The following OCA2 variants were observed in gnomAD, a reference collection of about 807,000 sequenced individuals.
OCA2 encodes P protein.
A neutral mutation model predicts 100.2 loss-of-function variants in OCA2; 77 were observed. The ratio of observed to expected loss-of-function variants is 0.77; its 90% CI spans 0.64 to 0.93. OCA2 has a LOEUF of 0.93. Among genes scored for constraint, OCA2 ranks in the 40% least tolerant of loss-of-function variants. The pLI, the probability that OCA2 is intolerant of heterozygous loss-of-function variation, is 0.00. For missense variants in OCA2, 1,062 were observed against 1,089.1 expected, an observed-to-expected ratio of 0.98 and a Z score of 0.35; for synonymous variants, 432 against 439.2, an observed-to-expected ratio of 0.98 and a Z score of 0.21.
At chr15:27,948,438 A>C (rs2039916954) in intron 18 of OCA2, among the ~76,000 whole-genome samples, 1 of 152,110 alleles carries the variant, frequency 6.6e-6, no homozygotes, top group Admixed American at 6.6e-5. Flanking sequence ...TGTCTGGAGT[A>C]GTTTTTTTGT....
intron 2 of OCA2, among the ~76,000 whole-genome samples, chr15:28,073,803 CAT>C (rs1429715472): frequency 1.3e-5 from 2 of 152,046 alleles, no homozygotes; most frequent in Non-Finnish European, 2.9e-5. Flanking sequence ...ATGTATATAA[CAT>C]TATCAAAATG....
chr15:27,843,862 G>A (rs1032890954), intron 23 of OCA2, among the ~76,000 whole-genome samples: 1 of 152,164 alleles, frequency 6.6e-6, no homozygotes, highest in Non-Finnish European at 1.5e-5. Context: ...AGCAGTGCCT[G>A]GTGCAGGGAT....
At chr15:27,959,936 G>A (rs1424797575) in intron 15 of OCA2, among the ~76,000 whole-genome samples, 1 of 152,192 alleles carries the variant, frequency 6.6e-6, no homozygotes, top group Non-Finnish European at 1.5e-5. Flanking sequence ...TTAGTCGGGA[G>A]GGATTTTGCC....
At chr15:27,968,999 A>C (rs2040677120) in intron 14 of OCA2, among the ~76,000 whole-genome samples, 1 of 152,068 alleles carries the variant, frequency 6.6e-6, no homozygotes, top group African/African-American at 2.4e-5. Flanking sequence ...AAAAAAAAAA[A>C]AAGGAACTGT....
At position 28,014,944 on chromosome 15, in the gene OCA2, A is replaced by G. The variant is rs1156436480; in HGVS notation, c.891-15T>C. ...ACACCGTCTCTCTGCAGAACGAAAC[A>G]ACGACCTTACTGTTCACAAGGTCAA... On this transcript the variant is annotated splice_polypyrimidine_tract_variant and intron_variant, in intron 8 of 23. Coordinates refer to ENST00000354638, the MANE Select transcript of OCA2 (RefSeq NM_000275.3). 4 of 1,613,984 alleles carry G rather than the reference A, an allele frequency of 2.5e-6. No homozygotes were observed. The South Asian group carries it at 3.3e-5, about 13-fold the overall frequency.
intron 1 of OCA2, among the ~76,000 whole-genome samples, chr15:28,083,025 G>C (rs1228772610): frequency 6.6e-6 from 1 of 152,222 alleles, no homozygotes; most frequent in African/African-American, 2.4e-5. Context: ...GGGAAGCCAG[G>C]ACTGACTGTG....
At chr15:27,732,725 A>G in the OCA2 span, among the ~76,000 whole-genome samples, 25 of 152,332 alleles carry the variant, frequency 1.6e-4, no homozygotes, top group South Asian at 4.6e-3. Context: ...GCTCACTAGC[A>G]CAAGTCTTCT....
chr15:27,871,342 C>G (rs1024161510), intron 20 of OCA2, 84 bp from the exon 21 acceptor site: 1 of 1,008,344 alleles, frequency 9.9e-7, no homozygotes, highest in African/African-American at 1.6e-5. Context: ...CAGAGGGGCC[C>G]GAGGGTGTTA....
intron 14 of OCA2, among the ~76,000 whole-genome samples, chr15:27,973,917 C>A (rs1245220813): frequency 6.6e-6 from 1 of 152,024 alleles, no homozygotes; most frequent in East Asian, 1.9e-4. Flanking sequence ...TTAAGTATAT[C>A]CCTAGGTATT....
chr15:27,825,161 T>C (rs1030506399), intron 23 of OCA2, among the ~76,000 whole-genome samples: 10 of 152,128 alleles, frequency 6.6e-5, no homozygotes, highest in African/African-American at 2.2e-4. Flanking sequence ...GAGTTGACTC[T>C]CCAAGGACAG....
chr15:27,838,886 G>A (rs2035247069), intron 23 of OCA2, among the ~76,000 whole-genome samples: 1 of 152,188 alleles, frequency 6.6e-6, no homozygotes, highest in Admixed American at 6.5e-5. Flanking sequence ...GGCTCTCAAA[G>A]ATTAGCTTCA....
At chr15:27,975,968 T>C (rs1442597910) in intron 14 of OCA2, among the ~76,000 whole-genome samples, 1 of 152,202 alleles carries the variant, frequency 6.6e-6, no homozygotes, top group Non-Finnish European at 1.5e-5. Context: ...TGCAGTTTTG[T>C]AGTTTTCAGT....
Position 27,947,289 on chromosome 15 carries a change from T to C in OCA2, c.1951+4495A>G, listed in dbSNP as rs188578608. Among the ~76,000 whole-genome samples, 227 of 152,232 alleles carry C rather than the reference T, an allele frequency of 1.5e-3. 1 individual carries two copies. The highest frequency in any genetic ancestry group is 5.0e-3 in the African/African-American group (209 of 41,538). ...TGTGAAACCCATCTGGCACTAAGGG[T>C]CTCATGCAGGCACTGCAGACCTCTG... On this transcript the variant is annotated intron_variant, in intron 18 of 23. Coordinates refer to ENST00000354638, the MANE Select transcript of OCA2 (RefSeq NM_000275.3).
At chr15:27,774,309 T>C (rs2151059086) in intron 23 of OCA2, among the ~76,000 whole-genome samples, 1 of 152,350 alleles carries the variant, frequency 6.6e-6, no homozygotes, top group Middle Eastern at 3.4e-3. Context: ...AGAGAGTCCA[T>C]GTTATAACAC....
rs940312207 is a variant in OCA2 at position 28,041,807 on chromosome 15, T to C, written c.228-9644A>G. Among the ~76,000 whole-genome samples the C allele has an allele frequency of 5.9e-4, 90 of 152,034 alleles. 3 individuals carry two copies. Among genetic ancestry groups the C allele is most frequent in the African/African-American group, 2.1e-3 (88 of 41,474 alleles). On this transcript the variant is annotated intron_variant, in intron 2 of 23. Transcript: ENST00000354638. ...AAACATAATGTTGCATGAAGAAAAA[T>C]AGAAGAATACACACATGATGCAATT... is the stretch of plus-strand genomic sequence containing the variant.
At chr15:27,947,956 T>C (rs1029441086) in intron 18 of OCA2, among the ~76,000 whole-genome samples, 9 of 152,142 alleles carry the variant, frequency 5.9e-5, no homozygotes, top group Non-Finnish European at 8.8e-5. Context: ...GTCAGCCACA[T>C]AGGAAATTCC....
intron 23 of OCA2, among the ~76,000 whole-genome samples, chr15:27,817,946 G>T (rs1013210254): frequency 1.3e-5 from 2 of 152,178 alleles, no homozygotes; most frequent in South Asian, 2.1e-4. Context: ...GATACATTAG[G>T]AAAGGTGATT....
chr15:28,070,291 A>C (rs1219977150), intron 2 of OCA2, among the ~76,000 whole-genome samples: 1 of 127,674 alleles, frequency 7.8e-6, no homozygotes, highest in African/African-American at 3.2e-5. Context: ...CCCGGCAGCC[A>C]CCCCGTCCGG....
At chr15:27,849,572 G>A (rs529905432) in intron 22 of OCA2, among the ~76,000 whole-genome samples, 1 of 150,818 alleles carries the variant, frequency 6.6e-6, no homozygotes, top group Non-Finnish European at 1.5e-5. Context: ...AAAGTATCCA[G>A]TGAATCACCT....
Sources: allele counts gnomAD v4.1 joint callset (sites outside exome capture counted in the v4.1 genomes callset), GRCh38; gene constraint gnomAD v4.1.1; transcripts MANE v1.5; gene names NCBI Gene and HGNC (gene_info 2026-07-23, HGNC 2026-07-21).